Variants in ZRANB3 observed in about 807,000 individuals in gnomAD.
The protein encoded by ZRANB3 is DNA annealing helicase and endonuclease ZRANB3.
In ZRANB3, 125 loss-of-function variants were observed where a neutral mutation model predicts 133.8. The observed-to-expected ratio is 0.93, with a 90% confidence interval of 0.81 to 1.08. ZRANB3 has a LOEUF of 1.08. ZRANB3 is among the 50% of genes least tolerant of loss of function. The pLI is 0.00. For synonymous variants in ZRANB3, 387 were observed against 432.7 expected (o/e 0.89, Z 1.31); for missense variants, 1,229 against 1,275.5 (o/e 0.96, Z 0.56).
intron 12 of ZRANB3, among the ~76,000 whole-genome samples, chr2:135,254,371 A>T (rs1679546611): frequency 6.6e-6 from 1 of 152,170 alleles, no homozygotes; most frequent in Non-Finnish European, 1.5e-5. Flanking sequence ...GTTTTTTCCT[A>T]ACTAAAGAGT....
rs578015812 is a variant in ZRANB3 at position 135,527,609 on chromosome 2, C to T, written c.-8+3518G>A. Reference sequence around the variant, plus strand: ...TATATTGTGTTATGCGTTTTTAACACAATAAAAAATAAATTATTAATTGAA... The same window carrying T: ...TATATTGTGTTATGCGTTTTTAACATAATAAAAAATAAATTATTAATTGAA... On this transcript the variant is annotated intron_variant, in intron 1 of 20. Transcript: ENST00000264159. Among the ~76,000 whole-genome samples, 3 of 151,878 alleles carry T rather than the reference C, an allele frequency of 2.0e-5. No individual in the cohort carries two copies. The East Asian group carries it at 5.8e-4, about 30-fold the overall frequency.
chr2:135,224,284 T>G, intron 15 of ZRANB3, 142 bp downstream of exon 15: 4 of 661,250 alleles, frequency 6.0e-6, no homozygotes, highest in Non-Finnish European at 2.5e-6. Flanking sequence ...TCTGTAGATT[T>G]AACACAGAAA....
intron 3 of ZRANB3, among the ~76,000 whole-genome samples, chr2:135,373,291 T>C (rs1410817356): frequency 6.6e-6 from 1 of 151,996 alleles, no homozygotes; most frequent in Non-Finnish European, 1.5e-5. Flanking sequence ...ACCAGACAAG[T>C]ACGGTAGGAT....
At chr2:135,249,326 C>G (rs1679256686) in intron 12 of ZRANB3, among the ~76,000 whole-genome samples, 1 of 152,118 alleles carries the variant, frequency 6.6e-6, no homozygotes, top group South Asian at 2.1e-4. Context: ...TTTGCAATAG[C>G]AAAGACATGG....
intron 12 of ZRANB3, among the ~76,000 whole-genome samples, chr2:135,256,840 A>G (rs1232263687): frequency 6.6e-6 from 1 of 152,196 alleles, no homozygotes; most frequent in Non-Finnish European, 1.5e-5. Context: ...CCCTACTGAT[A>G]TAACAGCATG....
At position 135,512,648 on chromosome 2, in the gene ZRANB3, CAT is replaced by C. The variant is rs1278444996; in HGVS notation, c.-7-8154_-7-8153del. 4.6e-5 allele frequency among the ~76,000 whole-genome samples: 7 copies of C among 151,390 alleles called. No homozygotes were observed. The East Asian group carries it at 7.7e-4, about 17-fold the overall frequency. On this transcript the variant is annotated intron_variant, in intron 1 of 20. Coordinates refer to ENST00000264159, the MANE Select transcript of ZRANB3 (RefSeq NM_032143.4). ...CTGAAAGTAAAAGAATTAAAAAAGACATATTATACATGCCAAAGTATAGCTAG... is the reference window on the plus strand; with the variant it reads ...CTGAAAGTAAAAGAATTAAAAAAGACATTATACATGCCAAAGTATAGCTAG...
intron 12 of ZRANB3, among the ~76,000 whole-genome samples, chr2:135,233,833 A>G (rs1695153916): frequency 1.3e-5 from 2 of 152,226 alleles, no homozygotes; most frequent in African/African-American, 4.8e-5. Context: ...AAGCCACTGC[A>G]AAAACATGCC....
chr2:135,529,035 A>G (rs1284237975), intron 1 of ZRANB3, among the ~76,000 whole-genome samples: 1 of 152,216 alleles, frequency 6.6e-6, no homozygotes, highest in Non-Finnish European at 1.5e-5. Flanking sequence ...TCTCTTCCTC[A>G]CAACTTTTGG....
Position 135,315,355 on chromosome 2 carries a change from T to C in ZRANB3, c.849+4A>G. 6.5e-7 allele frequency: 1 copy of C among 1,547,842 alleles called. No homozygotes were observed. Among genetic ancestry groups the C allele is most frequent in the South Asian group, 1.3e-5 (1 of 77,880 alleles). ...AAGACTTTAAATCAAGCAACGGTTC[T>C]CACCTTGGCAGCTGCTGATGGAAGA... On this transcript the variant is annotated splice_donor_region_variant and intron_variant, in intron 7 of 20. Coordinates refer to ENST00000264159, the MANE Select transcript of ZRANB3 (RefSeq NM_032143.4).
At chr2:135,293,542 C>G (rs955700962) in intron 8 of ZRANB3, among the ~76,000 whole-genome samples, 1 of 152,180 alleles carries the variant, frequency 6.6e-6, no homozygotes, top group Non-Finnish European at 1.5e-5. Flanking sequence ...CATCTGCAAA[C>G]AGGGACAATT....
At chr2:135,418,568 G>C (rs1434528110) in intron 2 of ZRANB3, among the ~76,000 whole-genome samples, 1 of 152,156 alleles carries the variant, frequency 6.6e-6, no homozygotes, top group Admixed American at 6.5e-5. Flanking sequence ...ATTAAGTTTG[G>C]ATCTGGAGCA....
intron 2 of ZRANB3, among the ~76,000 whole-genome samples, chr2:135,413,562 G>C (rs1339801505): frequency 6.6e-6 from 1 of 152,068 alleles, no homozygotes; most frequent in Admixed American, 6.6e-5. Flanking sequence ...ATCACAGCTT[G>C]GTTTAATTGG....
At chr2:135,493,154 T>C (rs1574197494) in intron 2 of ZRANB3, among the ~76,000 whole-genome samples, 2 of 34,030 alleles carry the variant, frequency 5.9e-5, no homozygotes, top group African/African-American at 2.7e-4. Flanking sequence ...TATATATATA[T>C]ATATATATAT....
chr2:135,283,085 G>A (rs1257067209), intron 8 of ZRANB3, among the ~76,000 whole-genome samples: 3 of 151,890 alleles, frequency 2.0e-5, no homozygotes, highest in Non-Finnish European at 4.4e-5. Context: ...AGGAGTTTGA[G>A]ACAAGACTGG....
chr2:135,416,112 A>G (rs952844838), intron 2 of ZRANB3, among the ~76,000 whole-genome samples: 7 of 151,984 alleles, frequency 4.6e-5, no homozygotes, highest in Non-Finnish European at 1.0e-4. Context: ...GGCCAGGGCA[A>G]TGAGGCAGGA....
chr2:135,341,008 A>G (rs1004042479), intron 6 of ZRANB3, among the ~76,000 whole-genome samples: 1 of 146,438 alleles, frequency 6.8e-6, no homozygotes, highest in East Asian at 1.9e-4. Flanking sequence ...GTGTAGAGAA[A>G]GACAACTGAC....
intron 3 of ZRANB3, among the ~76,000 whole-genome samples, chr2:135,389,994 C>A (rs1687153752): frequency 6.7e-6 from 1 of 149,172 alleles, no homozygotes; most frequent in South Asian, 2.1e-4. Context: ...CATTCTCCTG[C>A]CTCAGCCTCC....
Position 135,230,800 on chromosome 2 carries a change from G to A in ZRANB3, c.1667C>T (p.Pro556Leu). 8 of 1,613,832 alleles carry A rather than the reference G, an allele frequency of 5.0e-6. No individual in the cohort carries two copies. The highest frequency in any genetic ancestry group is 6.8e-6 in the Non-Finnish European group (8 of 1,179,864). ...GATATCTCTTGCAGCTGTTTTTGTA[G>A]GGTCTGATGACACTACAGTATTTTC... Reference protein sequence around the residue: ...REENTVVSSDPTKTAARDIID... With the variant: ...REENTVVSSDLTKTAARDIID... The change falls in exon 13 of 21, where the codon CCT becomes CTT. Residue 556 changes from proline (P) to leucine (L), a missense_variant. By Grantham distance (98) the Pro-to-Leu change is moderately conservative. Coordinates refer to ENST00000264159, the MANE Select transcript of ZRANB3 (RefSeq NM_032143.4).
intron 8 of ZRANB3, among the ~76,000 whole-genome samples, chr2:135,291,620 GT>G (rs1681739868): frequency 6.7e-6 from 1 of 150,156 alleles, no homozygotes; most frequent in Admixed American, 6.7e-5. Context: ...TATACTTTAA[GT>G]TTTAGGGTAC....
Sources: allele counts gnomAD v4.1 joint callset (sites outside exome capture counted in the v4.1 genomes callset), GRCh38; gene constraint gnomAD v4.1.1; transcripts MANE v1.5; gene names NCBI Gene and HGNC (gene_info 2026-07-23, HGNC 2026-07-21).